LYPLA1: variants seen among roughly 807,000 people sequenced by gnomAD.
LYPLA1 encodes the protein lysophospholipase 1, also known as acyl-protein thioesterase 1.
LYPLA1 carries 17 observed loss-of-function variants against 34.0 expected under a neutral mutation model. The ratio of observed to expected loss-of-function variants is 0.50; its 90% CI spans 0.34 to 0.75. LYPLA1 has a LOEUF of 0.75. LYPLA1 is among the 30% of genes least tolerant of loss of function. The pLI is 0.01. For synonymous variants in LYPLA1, 98 were observed against 100.8 expected (o/e 0.97, Z 0.17); for missense variants, 203 against 288.8 (o/e 0.70, Z 2.15).
At chr8:54,058,401 G>T (rs377658356) in intron 5 of LYPLA1, among the ~76,000 whole-genome samples, 1 of 152,018 alleles carries the variant, frequency 6.6e-6, no homozygotes, top group Non-Finnish European at 1.5e-5. Context: ...AAACGTAGCC[G>T]GGCATGGTGG....
intron 2 of LYPLA1, among the ~76,000 whole-genome samples, chr8:54,095,867 G>A (rs1459228050): frequency 1.3e-5 from 2 of 151,626 alleles, no homozygotes; most frequent in African/African-American, 2.4e-5. Flanking sequence ...TACCATACCC[G>A]GCCTGTATTC....
At chr8:54,050,396 A>G (rs920284221) in intron 8 of LYPLA1, among the ~76,000 whole-genome samples, 2 of 152,200 alleles carry the variant, frequency 1.3e-5, no homozygotes, top group Non-Finnish European at 2.9e-5. Flanking sequence ...TCTCACTTCA[A>G]CCAAAAACAC....
At chr8:54,082,602 A>T (rs1415357591) in intron 2 of LYPLA1, among the ~76,000 whole-genome samples, 3 of 152,184 alleles carry the variant, frequency 2.0e-5, no homozygotes, top group African/African-American at 7.2e-5. Flanking sequence ...TAAAGGTGTG[A>T]GCCATTGCAC....
At chr8:54,082,758 G>A (rs754128478) in intron 2 of LYPLA1, among the ~76,000 whole-genome samples, 36 of 151,802 alleles carry the variant, frequency 2.4e-4, no homozygotes, top group Non-Finnish European at 4.7e-4. Context: ...ACGGAGTCTC[G>A]CTCTCTTGCC....
At chr8:54,052,588 T>A (rs1189508334) in intron 7 of LYPLA1, 67 bp downstream of exon 7, 12 of 990,966 alleles carry the variant, frequency 1.2e-5, no homozygotes, top group African/African-American at 4.9e-5. Context: ...GATGACTTTA[T>A]CTCCAACAAT....
intron 2 of LYPLA1, among the ~76,000 whole-genome samples, chr8:54,077,306 A>C (rs1807981556): frequency 6.6e-6 from 1 of 152,174 alleles, no homozygotes; most frequent in Admixed American, 6.5e-5. Flanking sequence ...ACACATGGAT[A>C]CTAGGAGAGG....
Position 54,050,957 on chromosome 8 carries a change from T to C in LYPLA1, c.639+55A>G, listed in dbSNP as rs1467664637. 5 of 1,501,628 alleles carry C rather than the reference T, an allele frequency of 3.3e-6. No individual in the cohort carries two copies. The Admixed American group carries it at 1.1e-4, about 32-fold the overall frequency. 93.0% of individuals were successfully genotyped at this position (1,501,628 alleles called of 1,614,324 possible). ...ATTCAAATGTTACTTTTCTTGAAAATATCACATGAAAAAAGTTACAAATAT... is the reference window on the plus strand; with the variant it reads ...ATTCAAATGTTACTTTTCTTGAAAACATCACATGAAAAAAGTTACAAATAT... On this transcript the variant is annotated intron_variant, in intron 8 of 8. Coordinates refer to ENST00000316963, the MANE Select transcript of LYPLA1 (RefSeq NM_006330.4).
At chr8:54,043,709 G>T (rs1322248226), downstream of LYPLA1, among the ~76,000 whole-genome samples, 5 of 151,408 alleles carry the variant, frequency 3.3e-5, no homozygotes, top group East Asian at 9.8e-4. Flanking sequence ...TTACAGGCAT[G>T]TGCTATCACT....
intron 2 of LYPLA1, chr8:54,072,995 T>A: frequency 2.8e-6 from 1 of 358,370 alleles, no homozygotes; most frequent in South Asian, 2.6e-5. Context: ...ATGCTCAAGA[T>A]CATTAATGAT....
At chr8:54,043,836 C>CA, downstream of LYPLA1, among the ~76,000 whole-genome samples, 1 of 152,168 alleles carries the variant, frequency 6.6e-6, no homozygotes, top group Non-Finnish European at 1.5e-5. Flanking sequence ...GCTGGGATTG[C>CA]AGGTGTGAGC....
At position 54,101,900 on chromosome 8, in the gene LYPLA1, G is replaced by C. The variant is rs942665641; in HGVS notation, c.-77C>G. 3.3e-6 allele frequency: 3 copies of C among 903,568 alleles called. No individual in the cohort carries two copies. Among genetic ancestry groups the C allele is most frequent in the Non-Finnish European group, 4.3e-6 (3 of 705,364 alleles). 56.0% of individuals were successfully genotyped at this position (903,568 alleles called of 1,614,324 possible). A position where few individuals can be genotyped will look rare whatever the true frequency, so the allele number is the denominator to read the frequency against. On this transcript the variant is annotated 5_prime_UTR_variant, in exon 1 of 9. Coordinates refer to ENST00000316963, the MANE Select transcript of LYPLA1 (RefSeq NM_006330.4). ...CGGCCCAAGGGCGTGCGAGCGGCGA[G>C]TCCCGGCCGGCCCCACCGGGCGCAC...
At chr8:54,063,306 C>G (rs1806793021) in intron 4 of LYPLA1, 22 bp downstream of exon 4, 1 of 1,385,560 alleles carries the variant, frequency 7.2e-7, no homozygotes, top group Admixed American at 2.4e-5. Flanking sequence ...TGTTCTTATT[C>G]AATAAGTAAA....
intron 5 of LYPLA1, 42 bp downstream of exon 5, chr8:54,062,211 AT>A: frequency 7.3e-7 from 1 of 1,361,590 alleles, no homozygotes; most frequent in Non-Finnish European, 1.0e-6. Context: ...TACTAAAAAC[AT>A]TTAAGAACAC....
chr8:54,090,913 C>T (rs1377777148), intron 2 of LYPLA1, among the ~76,000 whole-genome samples: 1 of 152,194 alleles, frequency 6.6e-6, no homozygotes, highest in Non-Finnish European at 1.5e-5. Flanking sequence ...GCTCTCATTT[C>T]TCTCTCCTGC....
chr8:54,077,533 C>T lies in LYPLA1; in HGVS notation c.102-11720G>A, dbSNP rs1410595117. ...AAAGTAGTCTGGGCACGGTGGCTCA[C>T]GCCTGTAATCCCAGCACTTTGGGAG... On this transcript the variant is annotated intron_variant, in intron 2 of 8. Transcript: ENST00000316963. Among the ~76,000 whole-genome samples, 7 of 152,158 alleles carry T rather than the reference C, an allele frequency of 4.6e-5. No homozygotes were observed. In the South Asian group the frequency reaches 1.2e-3, roughly 27 times the overall value.
chr8:54,097,005 CA>C (rs1176602631), intron 2 of LYPLA1, among the ~76,000 whole-genome samples: 2 of 149,576 alleles, frequency 1.3e-5, no homozygotes, highest in African/African-American at 2.5e-5. Flanking sequence ...AATGGAATGA[CA>C]AAAAAAAAGG....
At chr8:54,083,837 T>C (rs1309913385) in intron 2 of LYPLA1, among the ~76,000 whole-genome samples, 1 of 152,120 alleles carries the variant, frequency 6.6e-6, no homozygotes, top group African/African-American at 2.4e-5. Flanking sequence ...GACATCTGTG[T>C]TTAAAAATAA....
chr8:54,060,014 CACCA>C (rs1406037967), intron 5 of LYPLA1, among the ~76,000 whole-genome samples: 4 of 152,232 alleles, frequency 2.6e-5, no homozygotes, highest in Non-Finnish European at 4.4e-5. Flanking sequence ...ACTCAAGAGT[CACCA>C]ACCAGATTTT....
intron 7 of LYPLA1, 21 bp from the exon 8 acceptor site, chr8:54,051,209 AAT>A: frequency 6.4e-7 from 1 of 1,573,296 alleles, no homozygotes; most frequent in Non-Finnish European, 8.6e-7. Context: ...CAAAAGAAGA[AAT>A]AGTTTTATTT....
Sources: gnomAD v4.1 joint callset for allele counts (sites outside exome capture counted in the v4.1 genomes callset) on GRCh38, gnomAD v4.1.1 for gene constraint, MANE v1.5 for transcripts, NCBI Gene and HGNC (gene_info 2026-07-23, HGNC 2026-07-21) for gene names.